Variants in PARVB observed in about 807,000 individuals in gnomAD.
The protein encoded by PARVB is parvin beta.
In PARVB, 46 loss-of-function variants were observed where a neutral mutation model predicts 47.0. That is an observed-to-expected ratio of 0.98 (90% CI 0.77 to 1.25). The LOEUF (loss-of-function observed/expected upper bound fraction) is 1.25, where lower values mean the gene tolerates loss of function less well. PARVB is among the 50% of genes most tolerant of loss of function. PARVB has a pLI of 0.00. For missense variants in PARVB, 473 were observed against 471.6 expected (o/e 1.00, Z -0.03); for synonymous variants, 196 against 196.3 (o/e 1.00, Z 0.01).
At chr22:44,100,413 T>C (rs2052415725) in intron 3 of PARVB, among the ~76,000 whole-genome samples, 1 of 151,974 alleles carries the variant, frequency 6.6e-6, no homozygotes, top group Non-Finnish European at 1.5e-5. Context: ...TAGGAATGAG[T>C]GCTGGCGTGA....
chr22:44,034,162 T>G (rs562059835), intron 1 of PARVB, among the ~76,000 whole-genome samples: 81 of 150,330 alleles, frequency 5.4e-4, no homozygotes, highest in African/African-American at 1.9e-3. Flanking sequence ...TTCATTGCAT[T>G]GTGTCTGCAT....
chr22:44,005,412 C>T (rs2050454937), intron 2 of PARVB, among the ~76,000 whole-genome samples: 1 of 144,380 alleles, frequency 6.9e-6, no homozygotes, highest in Non-Finnish European at 1.5e-5. Context: ...CACGCCTGGC[C>T]GTTTTTTTTT....
rs1288363909 is a variant in PARVB at position 44,172,164 on chromosome 22, G to A, written c.*3486G>A. The A allele has an allele frequency of 6.6e-6, 1 of 152,206 alleles. No homozygotes were observed. Among genetic ancestry groups the A allele is most frequent in the Non-Finnish European group, 1.5e-5 (1 of 68,060 alleles). 9.4% of individuals were successfully genotyped at this position (152,206 alleles called of 1,614,324 possible). A position where few individuals can be genotyped will look rare whatever the true frequency, so the allele number is the denominator to read the frequency against. On this transcript the variant is annotated 3_prime_UTR_variant, in exon 13 of 13. Coordinates refer to ENST00000338758, the MANE Select transcript of PARVB (RefSeq NM_013327.5). ...GCATGGCCTGGACAGATGCAGCAAG[G>A]GGCCAGTTCCAAGGCAGAATTCAGG...
intron 2 of PARVB, among the ~76,000 whole-genome samples, chr22:44,017,469 G>A (rs928742190): frequency 2.6e-5 from 4 of 152,104 alleles, no homozygotes; most frequent in Non-Finnish European, 5.9e-5. Flanking sequence ...CTCCAGTAAC[G>A]CAAAGCCCAA....
chr22:44,135,096 C>G (rs528809554), intron 6 of PARVB, among the ~76,000 whole-genome samples: 5 of 152,216 alleles, frequency 3.3e-5, no homozygotes, highest in Non-Finnish European at 5.9e-5. Flanking sequence ...AAGCCCAGAT[C>G]TTGGTGGTGT....
At position 44,002,194 on chromosome 22, in the gene PARVB, A is replaced by G. The variant is rs539689108; in HGVS notation, c.211+2521A>G. On this transcript the variant is annotated intron_variant, in intron 2 of 13. Coordinates refer to the PARVB transcript ENST00000406477. ...TTATTATAAATATAGTTTTAACCCA[A>G]TGGACTCCCTGGAGGAGTCTCAGGA... Among the ~76,000 whole-genome samples, 109 of 152,286 alleles carry G rather than the reference A, an allele frequency of 7.2e-4. 1 individual carries two copies. Among genetic ancestry groups the G allele is most frequent in the South Asian group, 1.0e-3 (5 of 4,820 alleles).
chr22:44,087,931 C>T (rs1362290668), intron 1 of PARVB, among the ~76,000 whole-genome samples: 1 of 150,542 alleles, frequency 6.6e-6, no homozygotes, highest in East Asian at 1.9e-4. Flanking sequence ...CATATTCCAC[C>T]ATTATAGTTA....
At position 44,132,874 on chromosome 22, in the gene PARVB, C is replaced by A; in HGVS notation, c.518-20C>A. The A allele has an allele frequency of 6.4e-7, 1 of 1,567,034 alleles. No individual in the cohort carries two copies. Among genetic ancestry groups the A allele is most frequent in the Non-Finnish European group, 8.8e-7 (1 of 1,137,340 alleles). ...GTGTAACCTGATCTAAAGCGTCTCC[C>A]TTCCTCCTTCCTCCTGCAGCAATTC... On this transcript the variant is annotated intron_variant, in intron 5 of 12. Transcript: ENST00000338758.
intron 1 of PARVB, among the ~76,000 whole-genome samples, chr22:44,071,413 G>A (rs1399714360): frequency 1.3e-5 from 2 of 152,168 alleles, no homozygotes; most frequent in Non-Finnish European, 2.9e-5. Context: ...GAAAAGCTGT[G>A]CTGAATGTGT....
chr22:44,122,538 GAGAGAGAGAGAGAGAC>G (rs1569134417), intron 4 of PARVB, among the ~76,000 whole-genome samples: 3,282 of 101,308 alleles, frequency 0.032, 136 homozygotes, highest in Middle Eastern at 0.054. Context: ...CAGAGAGAGA[GAGAGAGAGAGAGAGAC>G]ACAGAGACAG....
intron 6 of PARVB, among the ~76,000 whole-genome samples, chr22:44,133,991 G>T (rs1345671002): frequency 6.6e-6 from 1 of 152,220 alleles, no homozygotes; most frequent in Non-Finnish European, 1.5e-5. Flanking sequence ...GTCTGTGGGG[G>T]TGACCACTGC....
At chr22:44,135,170 G>A (rs1222921896) in intron 6 of PARVB, among the ~76,000 whole-genome samples, 2 of 152,172 alleles carry the variant, frequency 1.3e-5, no homozygotes, top group African/African-American at 4.8e-5. Context: ...GTGGTGGTTG[G>A]ATTAGCCACC....
chr22:44,048,249 G>A (rs2051148772), intron 1 of PARVB, among the ~76,000 whole-genome samples: 1 of 152,190 alleles, frequency 6.6e-6, no homozygotes, highest in Non-Finnish European at 1.5e-5. Flanking sequence ...TTGTCTCGTT[G>A]AGCAAATCAT....
At chr22:44,077,679 G>T (rs943691966) in intron 1 of PARVB, among the ~76,000 whole-genome samples, 2 of 152,132 alleles carry the variant, frequency 1.3e-5, no homozygotes, top group African/African-American at 4.8e-5. Flanking sequence ...AGAACCACAC[G>T]TCATTGCCCA....
chr22:44,172,826 C>T lies in PARVB; in HGVS notation c.*4148C>T. 1 of 531,350 alleles carries T rather than the reference C, an allele frequency of 1.9e-6. No individual in the cohort carries two copies. Among genetic ancestry groups the T allele is most frequent in the South Asian group, 2.0e-5 (1 of 51,236 alleles). The allele number at this position is 531,350 out of a possible 1,614,324, so 32.9% of individuals were successfully genotyped here. On this transcript the variant is annotated 3_prime_UTR_variant, in exon 13 of 13. Coordinates refer to ENST00000338758, the MANE Select transcript of PARVB (RefSeq NM_013327.5). ...CTGAGTGCAGGAAGCAAGCGCTTTT[C>T]AGGAGCTCACTGCAACACCGGGCAA...
chr22:44,070,127 C>T (rs1359050321), intron 1 of PARVB, among the ~76,000 whole-genome samples: 8 of 152,228 alleles, frequency 5.3e-5, no homozygotes, highest in African/African-American at 1.9e-4. Flanking sequence ...TATCCCAGCT[C>T]CTTAACGTGC....
chr22:44,081,310 C>T (rs1324440424), intron 1 of PARVB, among the ~76,000 whole-genome samples: 1 of 152,140 alleles, frequency 6.6e-6, no homozygotes, highest in Non-Finnish European at 1.5e-5. Flanking sequence ...CAGGCCGGGT[C>T]CTCCTGTTGG....
chr22:43,999,831 T>TA (rs1433527058), intron 2 of PARVB, among the ~76,000 whole-genome samples: 1 of 68,900 alleles, frequency 1.5e-5, no homozygotes, highest in Non-Finnish European at 2.5e-5. Flanking sequence ...AACCCATCTA[T>TA]ATGAAAAAAA....
intron 1 of PARVB, chr22:44,069,007 C>T (rs768245543): frequency 1.3e-4 from 125 of 974,800 alleles, no homozygotes; most frequent in Non-Finnish European, 1.9e-4. Context: ...TGTGACCTTC[C>T]TCAAAGGCTC....
Sources: gnomAD v4.1 joint callset for allele counts (sites outside exome capture counted in the v4.1 genomes callset) on GRCh38, gnomAD v4.1.1 for gene constraint, MANE v1.5 for transcripts, NCBI Gene and HGNC (gene_info 2026-07-23, HGNC 2026-07-21) for gene names.